PLEKHA6: variants seen among roughly 807,000 people sequenced by gnomAD.
The protein encoded by PLEKHA6 is pleckstrin homology domain containing A6, also known as pleckstrin homology domain-containing family A member 6.
Under a neutral mutation model 116.7 loss-of-function variants are expected in PLEKHA6, and 60 were observed. The ratio of observed to expected loss-of-function variants is 0.51; its 90% CI spans 0.42 to 0.64. The LOEUF (loss-of-function observed/expected upper bound fraction) is 0.64. PLEKHA6 is among the 30% of genes least tolerant of loss of function. PLEKHA6 has a pLI of 0.00. For missense variants in PLEKHA6, 1,338 were observed against 1,422.7 expected (o/e 0.94, Z 0.96); for synonymous variants, 489 against 556.1 (o/e 0.88, Z 1.70).
chr1:204,324,396 G>T (rs565754917), intron 1 of PLEKHA6, among the ~76,000 whole-genome samples: 62 of 152,294 alleles, frequency 4.1e-4, no homozygotes, highest in African/African-American at 1.4e-3. Context: ...GGGCCTCAAT[G>T]AATAAGCCCT....
At chr1:204,362,801 CCTA>C (rs1329149790), upstream of PLEKHA6, among the ~76,000 whole-genome samples, 1 of 152,202 alleles carries the variant, frequency 6.6e-6, no homozygotes. Context: ...CCTGCCTCAG[CCTA>C]CTGAGTTGCT....
chr1:204,291,982 C>T (rs1377086756), intron 1 of PLEKHA6, among the ~76,000 whole-genome samples: 1 of 152,166 alleles, frequency 6.6e-6, no homozygotes, highest in East Asian at 1.9e-4. Flanking sequence ...ATTGGGCACA[C>T]CCATTCTGTT....
At chr1:204,227,169 T>A (rs573500062) in intron 21 of PLEKHA6, among the ~76,000 whole-genome samples, 1 of 152,358 alleles carries the variant, frequency 6.6e-6, no homozygotes, top group Non-Finnish European at 1.5e-5. Context: ...TTGCCTGGGC[T>A]ACTGGAATGG....
intron 17 of PLEKHA6, among the ~76,000 whole-genome samples, chr1:204,234,027 T>C (rs1037249716): frequency 6.6e-6 from 1 of 152,098 alleles, no homozygotes; most frequent in East Asian, 1.9e-4. Context: ...CAAAAAGAGA[T>C]GTCCAAGTCC....
At chr1:204,313,464 G>T in intron 1 of PLEKHA6, 1 of 611,380 alleles carries the variant, frequency 1.6e-6, no homozygotes, top group Non-Finnish European at 2.0e-6. Context: ...TGAACATAGG[G>T]ATGACCTCCC....
intron 1 of PLEKHA6, among the ~76,000 whole-genome samples, chr1:204,359,311 C>G (rs561425000): frequency 6.6e-6 from 1 of 152,266 alleles, no homozygotes; most frequent in African/African-American, 2.4e-5. Context: ...TCCCTCTCTC[C>G]TTCCTGCTGG....
At chr1:204,291,123 G>C (rs1203800899) in intron 1 of PLEKHA6, among the ~76,000 whole-genome samples, 1 of 151,884 alleles carries the variant, frequency 6.6e-6, no homozygotes, top group African/African-American at 2.4e-5. Flanking sequence ...TTAGTATTAA[G>C]ATAGCAAACA....
intron 3 of PLEKHA6, among the ~76,000 whole-genome samples, chr1:204,367,133 G>C (rs577900467): frequency 2.0e-4 from 31 of 152,268 alleles, no homozygotes; most frequent in Non-Finnish European, 2.6e-4. Flanking sequence ...AGTTCAACTG[G>C]GTAGCTCATG....
intron 1 of PLEKHA6, among the ~76,000 whole-genome samples, chr1:204,337,086 G>C (rs79188319): frequency 6.6e-6 from 1 of 152,202 alleles, no homozygotes. Flanking sequence ...GGAAGGGTAT[G>C]AGAAGAGTTA....
At chr1:204,377,374 G>T (rs1419003499) in intron 1 of PLEKHA6, among the ~76,000 whole-genome samples, 1 of 152,192 alleles carries the variant, frequency 6.6e-6, no homozygotes. Context: ...CAAGCTGAGG[G>T]AATGCCAAGC....
Position 204,223,478 on chromosome 1 carries a change from G to A in PLEKHA6, c.3139C>T (p.Arg1047Trp), listed in dbSNP as rs765057668. 13 of 1,538,198 alleles carry A rather than the reference G, an allele frequency of 8.5e-6. No individual in the cohort carries two copies. The highest frequency in any genetic ancestry group is 3.9e-5 in the Admixed American group (2 of 50,972). ...AGTGCTTACGTCAGAGCTCAGACCC[G>A]CATGGTATAGCTGCTGTCGGCGCCC... is the stretch of plus-strand genomic sequence containing the variant. The part of the protein sequence containing the change: ...PRGADSSYTM[R>W]V Residue 1047 changes from arginine (R) to tryptophan (W), a missense_variant, in exon 22 of 23, where the codon CGG becomes TGG. Coordinates refer to ENST00000272203, the MANE Select transcript of PLEKHA6 (RefSeq NM_014935.5). This position sits in a 1 kb window ranked among gnomAD's most constrained non-coding sequence, Gnocchi z 4.8.
chr1:204,309,899 C>T (rs7540438), intron 1 of PLEKHA6: 31,304 of 154,544 alleles, frequency 0.2, 3,722 homozygotes, highest in East Asian at 0.58. Context: ...CAAAAGCAGC[C>T]ACTCATAAGT....
chr1:204,263,136 G>A (rs935456866), intron 6 of PLEKHA6, among the ~76,000 whole-genome samples: 3 of 152,208 alleles, frequency 2.0e-5, no homozygotes, highest in African/African-American at 7.2e-5. Context: ...GACAAAACAT[G>A]CCGCGGGAAA....
intron 1 of PLEKHA6, among the ~76,000 whole-genome samples, chr1:204,303,589 G>A (rs1415052614): frequency 1.3e-5 from 2 of 152,194 alleles, no homozygotes; most frequent in Non-Finnish European, 2.9e-5. Context: ...CTGGGCACCT[G>A]TCTGGGGTTT....
Position 204,244,860 on chromosome 1 carries a change from T to C in PLEKHA6, c.2172+4A>G. 6.4e-7 allele frequency: 1 copy of C among 1,565,418 alleles called. No homozygotes were observed. Among genetic ancestry groups the C allele is most frequent in the Non-Finnish European group, 8.7e-7 (1 of 1,154,196 alleles). On this transcript the variant is annotated splice_donor_region_variant and intron_variant, in intron 15 of 22. Transcript: ENST00000272203. ...CCTACCTTCTACTCCATTTCTCAAC[T>C]TACCTCGTTGGAGCCAGGCTTGGTG...
In PLEKHA6 at chr1:204,257,669, G is replaced by A; in HGVS notation, c.1208C>T (p.Ala403Val). The change falls in exon 9 of 23, where the codon GCC (alanine) becomes GTC (valine). Residue 403 changes from alanine (A) to valine (V), a missense_variant. Physicochemically the swap from Ala to Val is moderately conservative, Grantham distance 64. Around this residue, in one of 3 missense-constraint regions of PLEKHA6, gnomAD observed 1,136 missense variants for 1,163.6 expected, o/e 0.98. Coordinates refer to ENST00000272203, the MANE Select transcript of PLEKHA6 (RefSeq NM_014935.5). This position sits in a 1 kb window ranked among gnomAD's most constrained non-coding sequence, Gnocchi z 6.5. Reference sequence around the variant, plus strand: ...CTCCTTCCACTCTCGCAGCTGGTAGGCAGGGCCACCCCCATTGCGGAAGGC... The same window carrying A: ...CTCCTTCCACTCTCGCAGCTGGTAGACAGGGCCACCCCCATTGCGGAAGGC... Reference protein sequence around the residue: ...RHAFRNGGGPAYQLREWKEPA... With the variant: ...RHAFRNGGGPVYQLREWKEPA... The A allele has an allele frequency of 6.2e-7, 1 of 1,610,330 alleles. No homozygotes were observed. Among genetic ancestry groups the A allele is most frequent in the Non-Finnish European group, 8.5e-7 (1 of 1,178,430 alleles).
Position 204,228,019 on chromosome 1 carries a change from T to G in PLEKHA6, c.3031+64A>C. ...GCCCCCCTTGTAGCAGTGCCACGCT[T>G]CCTCCCTTAAACCTGGTCAGCTGGT... On this transcript the variant is annotated intron_variant, in intron 21 of 22. Coordinates refer to ENST00000272203, the MANE Select transcript of PLEKHA6 (RefSeq NM_014935.5). The surrounding 1 kb of genome is among the most constrained non-coding windows in gnomAD (Gnocchi z 4.0). 6.5e-7 allele frequency: 1 copy of G among 1,541,332 alleles called. No individual in the cohort carries two copies. The highest frequency in any genetic ancestry group is 1.8e-5 in the Admixed American group (1 of 55,430).
At chr1:204,292,529 A>G (rs971372250) in intron 1 of PLEKHA6, among the ~76,000 whole-genome samples, 1 of 151,172 alleles carries the variant, frequency 6.6e-6, no homozygotes, top group African/African-American at 2.4e-5. Flanking sequence ...ACCCTGGCTG[A>G]CGCCCACCTA....
chr1:204,360,237 T>C (rs1440121031), upstream of PLEKHA6, among the ~76,000 whole-genome samples: 11 of 151,640 alleles, frequency 7.3e-5, no homozygotes, highest in Admixed American at 7.2e-4. Flanking sequence ...AGCCAGAAAC[T>C]GCCCAGGGTC....
Sources: allele counts gnomAD v4.1 joint callset (sites outside exome capture counted in the v4.1 genomes callset), GRCh38; gene constraint gnomAD v4.1.1; regional missense constraint gnomAD v4.1.1; non-coding constraint Gnocchi (gnomAD v3.1); transcripts MANE v1.5; gene names NCBI Gene and HGNC (gene_info 2026-07-23, HGNC 2026-07-21).